CCDC91: variants seen among roughly 807,000 people sequenced by gnomAD.
The protein encoded by CCDC91 is coiled-coil domain containing 91.
CCDC91 carries 48 observed loss-of-function variants against 63.2 expected under a neutral mutation model. The ratio of observed to expected loss-of-function variants is 0.76; its 90% CI spans 0.60 to 0.97. The LOEUF (loss-of-function observed/expected upper bound fraction) is 0.97. Ranked by LOEUF, CCDC91 falls within the 50% of genes least tolerant of loss-of-function variation. The pLI is 0.00. For synonymous variants in CCDC91, 167 were observed against 165.8 expected (o/e 1.01, Z -0.06); for missense variants, 500 against 494.6 (o/e 1.01, Z -0.10).
intron 3 of CCDC91, among the ~76,000 whole-genome samples, chr12:28,300,821 C>G (rs1483415879): frequency 6.6e-6 from 1 of 151,390 alleles, no homozygotes; most frequent in Admixed American, 6.6e-5. Context: ...ACATTTCTTG[C>G]TAAATTTATT....
rs183532956 is a variant in CCDC91 at position 28,498,674 on chromosome 12, T to A, written c.1215+14509T>A. On this transcript the variant is annotated intron_variant, in intron 12 of 12. Coordinates refer to ENST00000536442, the MANE Select transcript of CCDC91 (RefSeq NM_018318.5). ...TAGCTATCTTCTCTCCTACCAACCTTACTTTATAGTATCACTACTCTATTT... is the reference window on the plus strand; with the variant it reads ...TAGCTATCTTCTCTCCTACCAACCTAACTTTATAGTATCACTACTCTATTT... Among the ~76,000 whole-genome samples, 191 of 151,858 alleles carry A rather than the reference T, an allele frequency of 1.3e-3. 1 individual carries two copies. The highest frequency in any genetic ancestry group is 4.5e-3 in the African/African-American group (187 of 41,502).
chr12:28,227,197 A>G (rs1430965580), intron 1 of CCDC91, among the ~76,000 whole-genome samples: 5 of 152,074 alleles, frequency 3.3e-5, no homozygotes, highest in Non-Finnish European at 5.9e-5. Context: ...CTGGAAAGTT[A>G]TTCTTTTTCT....
At chr12:28,291,506 A>G (rs1373410411) in intron 3 of CCDC91, among the ~76,000 whole-genome samples, 1 of 152,156 alleles carries the variant, frequency 6.6e-6, no homozygotes, top group Non-Finnish European at 1.5e-5. Context: ...TGAGATTCAG[A>G]AAGCTGTTGT....
intron 3 of CCDC91, among the ~76,000 whole-genome samples, chr12:28,267,526 A>G (rs565179426): frequency 5.9e-4 from 88 of 149,604 alleles, no homozygotes; most frequent in African/African-American, 1.9e-3. Flanking sequence ...GACTTGAAAG[A>G]TTATTTAAAA....
chr12:28,227,691 A>C (rs1387394856), intron 1 of CCDC91, among the ~76,000 whole-genome samples: 2 of 151,810 alleles, frequency 1.3e-5, no homozygotes, highest in African/African-American at 4.8e-5. Context: ...ATTACCTCTT[A>C]CTTTGGATTA....
intron 1 of CCDC91, among the ~76,000 whole-genome samples, chr12:28,193,862 GTCT>G (rs1941495573): frequency 1.3e-5 from 1 of 79,254 alleles, no homozygotes; most frequent in African/African-American, 4.8e-5. Context: ...TTGATTAAGT[GTCT>G]GCTGAAATCG....
At chr12:28,337,444 A>T (rs778940412) in intron 6 of CCDC91, among the ~76,000 whole-genome samples, 1 of 152,022 alleles carries the variant, frequency 6.6e-6, no homozygotes, top group African/African-American at 2.4e-5. Context: ...CTTGTTTTTT[A>T]TCTAGATCAT....
At chr12:28,457,362 A>G (rs1401251706) in intron 11 of CCDC91, among the ~76,000 whole-genome samples, 3 of 151,736 alleles carry the variant, frequency 2.0e-5, no homozygotes, top group Non-Finnish European at 2.9e-5. Flanking sequence ...GGTTTAGGTC[A>G]CTTCACAGCA....
At chr12:28,511,158 A>G (rs1939332767) in intron 12 of CCDC91, among the ~76,000 whole-genome samples, 2 of 151,830 alleles carry the variant, frequency 1.3e-5, no homozygotes, top group Admixed American at 6.6e-5. Context: ...TCTCTCAACT[A>G]TGTCACTTAT....
intron 12 of CCDC91, among the ~76,000 whole-genome samples, chr12:28,487,502 G>A (rs185324156): frequency 6.6e-6 from 1 of 151,858 alleles, no homozygotes; most frequent in East Asian, 1.9e-4. Flanking sequence ...AAAAACAAAA[G>A]TTTTTTAGCA....
At chr12:28,250,851 A>G (rs947872649) in intron 1 of CCDC91, among the ~76,000 whole-genome samples, 1 of 152,044 alleles carries the variant, frequency 6.6e-6, no homozygotes, top group African/African-American at 2.4e-5. Flanking sequence ...GTAGACAGTT[A>G]CATTTTCTTG....
At chr12:28,545,707 C>T (rs1942940840) in intron 12 of CCDC91, among the ~76,000 whole-genome samples, 1 of 152,014 alleles carries the variant, frequency 6.6e-6, no homozygotes, top group South Asian at 2.1e-4. Flanking sequence ...TCAGTAATTC[C>T]TTGGTGACAT....
intron 6 of CCDC91, among the ~76,000 whole-genome samples, chr12:28,337,436 TG>T (rs1214677729): frequency 2.6e-5 from 4 of 152,150 alleles, no homozygotes; most frequent in African/African-American, 4.8e-5. Context: ...AAAATCATCT[TG>T]TTTTTTATCT....
intron 3 of CCDC91, among the ~76,000 whole-genome samples, chr12:28,267,729 T>TACTATATA (rs1947309052): frequency 3.2e-5 from 1 of 30,952 alleles, no homozygotes; most frequent in African/African-American, 8.2e-5. Context: ...ATATATTATT[T>TACTATATA]ATTATATATA....
chr12:28,479,698 C>T (rs951648782), intron 11 of CCDC91, among the ~76,000 whole-genome samples: 1 of 151,634 alleles, frequency 6.6e-6, no homozygotes, highest in African/African-American at 2.4e-5. Flanking sequence ...GCATATATAC[C>T]CTAGATCAGA....
At chr12:28,239,457 ACC>A (rs1945185643) in intron 1 of CCDC91, among the ~76,000 whole-genome samples, 1 of 152,144 alleles carries the variant, frequency 6.6e-6, no homozygotes, top group African/African-American at 2.4e-5. Context: ...GATGCAGTAA[ACC>A]CTGTCAAGCA....
At chr12:28,491,133 T>C (rs901358334) in intron 12 of CCDC91, among the ~76,000 whole-genome samples, 1 of 151,760 alleles carries the variant, frequency 6.6e-6, no homozygotes, top group Admixed American at 6.6e-5. Context: ...CGAAGTACAG[T>C]GAGCATAAAG....
chr12:28,446,644 TG>T (rs959253668), intron 8 of CCDC91, among the ~76,000 whole-genome samples: 1 of 152,186 alleles, frequency 6.6e-6, no homozygotes, highest in African/African-American at 2.4e-5. Flanking sequence ...TGTATTTTTT[TG>T]TAGAGACCAC....
intron 6 of CCDC91, 41 bp from the exon 7 acceptor site, chr12:28,362,397 C>A: frequency 7.2e-7 from 1 of 1,393,904 alleles, no homozygotes; most frequent in Non-Finnish European, 9.8e-7. Context: ...GAAAACAAAA[C>A]AGAAGAAAAA....
Sources: gnomAD v4.1 joint callset for allele counts (sites outside exome capture counted in the v4.1 genomes callset) on GRCh38, gnomAD v4.1.1 for gene constraint, MANE v1.5 for transcripts, NCBI Gene and HGNC (gene_info 2026-07-23, HGNC 2026-07-21) for gene names.